Variants in ITPR2 observed in about 807,000 individuals in gnomAD.
ITPR2 encodes inositol 1,4,5-trisphosphate-gated calcium channel ITPR2.
In ITPR2, 207 loss-of-function variants were observed where a neutral mutation model predicts 317.1. The ratio of observed to expected loss-of-function variants is 0.65; its 90% CI spans 0.58 to 0.73. The LOEUF (loss-of-function observed/expected upper bound fraction) is 0.73, where lower values mean the gene tolerates loss of function less well. Among genes scored for constraint, ITPR2 ranks in the 30% least tolerant of loss-of-function variants. The pLI is 0.00. For missense variants in ITPR2, 2,613 were observed against 3,284.0 expected (o/e 0.80, Z 4.99); for synonymous variants, 1,156 against 1,149.1 (o/e 1.01, Z -0.12).
chr12:26,722,633 T>C, intron 4 of ITPR2, 78 bp from the exon 5 acceptor site: 1 of 984,810 alleles, frequency 1.0e-6, no homozygotes. Context: ...TTTATACATG[T>C]ATCATATATT....
chr12:26,369,874 G>A (rs1042811493), intron 55 of ITPR2, among the ~76,000 whole-genome samples: 13 of 152,156 alleles, frequency 8.5e-5, no homozygotes, highest in Non-Finnish European at 1.3e-4. Flanking sequence ...TTATACGGCA[G>A]ATGATTAGGT....
At chr12:26,561,330 G>T (rs1944812470) in intron 35 of ITPR2, among the ~76,000 whole-genome samples, 1 of 152,136 alleles carries the variant, frequency 6.6e-6, no homozygotes. Context: ...CAGCAGCCCT[G>T]GCAAACTAAT....
chr12:26,426,741 GA>G (rs982457099), intron 49 of ITPR2, among the ~76,000 whole-genome samples: 45 of 151,954 alleles, frequency 3.0e-4, no homozygotes, highest in African/African-American at 1.1e-3. Flanking sequence ...CAGAAACACA[GA>G]AATACAGAAT....
At chr12:26,524,039 C>A (rs1943740588) in intron 37 of ITPR2, among the ~76,000 whole-genome samples, 2 of 152,204 alleles carry the variant, frequency 1.3e-5, no homozygotes, top group African/African-American at 4.8e-5. Flanking sequence ...AAACAGGGAC[C>A]ATTTCCCTAC....
At chr12:26,693,994 A>G (rs1188614577) in intron 10 of ITPR2, among the ~76,000 whole-genome samples, 1 of 151,992 alleles carries the variant, frequency 6.6e-6, no homozygotes, top group Non-Finnish European at 1.5e-5. Flanking sequence ...CCAAGGCCAC[A>G]CAAGTTAATG....
Position 26,507,115 on chromosome 12 carries a change from A to G in ITPR2, c.5074-11855T>C, listed in dbSNP as rs893688341. Among the ~76,000 whole-genome samples the G allele has an allele frequency of 3.9e-5, 6 of 152,224 alleles. No homozygotes were observed. The South Asian group carries it at 1.0e-3, about 26-fold the overall frequency. On this transcript the variant is annotated intron_variant, in intron 37 of 56. Transcript: ENST00000381340. ...TTGGCCTACTTTAATATGAGCAATT[A>G]TCTGCTCCCATGAGCTCCTAATTGT...
At chr12:26,528,647 T>A (rs1465165891) in intron 37 of ITPR2, among the ~76,000 whole-genome samples, 1 of 152,250 alleles carries the variant, frequency 6.6e-6, no homozygotes, top group African/African-American at 2.4e-5. Flanking sequence ...ACATTTTCCC[T>A]TTTGATATTG....
At chr12:26,414,052 C>T (rs200341256) in intron 51 of ITPR2, among the ~76,000 whole-genome samples, 6,706 of 109,814 alleles carry the variant, frequency 0.061, 252 homozygotes, top group African/African-American at 0.12. Flanking sequence ...TATATATGTA[C>T]ACACACACAC....
At chr12:26,558,016 T>C (rs1209479778) in intron 35 of ITPR2, among the ~76,000 whole-genome samples, 1 of 152,234 alleles carries the variant, frequency 6.6e-6, no homozygotes, top group Non-Finnish European at 1.5e-5. Context: ...TAAATTATGT[T>C]AATTCATGTT....
At position 26,652,557 on chromosome 12, in the gene ITPR2, C is replaced by G. The variant is rs370343549; in HGVS notation, c.2740+1419G>C. 7.0e-3 allele frequency among the ~76,000 whole-genome samples: 1,062 copies of G among 152,232 alleles called. 5 individuals carry two copies. Among genetic ancestry groups the G allele is most frequent in the Admixed American group, 0.013 (198 of 15,300 alleles). Reference sequence around the variant, plus strand: ...CTTTTCAGGGCTGAGGCTCTTATTGCCCCAGCTGCTGGGCATTCTTGTTGC... The same window carrying G: ...CTTTTCAGGGCTGAGGCTCTTATTGGCCCAGCTGCTGGGCATTCTTGTTGC... On this transcript the variant is annotated intron_variant, in intron 21 of 56. Coordinates refer to ENST00000381340, the MANE Select transcript of ITPR2 (RefSeq NM_002223.4).
In ITPR2 at chr12:26,654,135, A is replaced by G; in HGVS notation, c.2590-9T>C. ...CGAGCCAAGTGGACCACCTTAATAAAAAAAAAAAAGCGGGGAGGGGGAGGG... is the reference window on the plus strand; with the variant it reads ...CGAGCCAAGTGGACCACCTTAATAAGAAAAAAAAAGCGGGGAGGGGGAGGG... On this transcript the variant is annotated splice_polypyrimidine_tract_variant and intron_variant, in intron 20 of 56. Coordinates refer to ENST00000381340, the MANE Select transcript of ITPR2 (RefSeq NM_002223.4). The G allele has an allele frequency of 1.3e-6, 2 of 1,539,736 alleles. No homozygotes were observed. Among genetic ancestry groups the G allele is most frequent in the South Asian group, 2.5e-5 (2 of 80,914 alleles).
At chr12:26,816,966 T>C (rs1950866439) in intron 1 of ITPR2, among the ~76,000 whole-genome samples, 1 of 151,322 alleles carries the variant, frequency 6.6e-6, no homozygotes, top group African/African-American at 2.4e-5. Flanking sequence ...GATCACGAGG[T>C]CAGGAGATCA....
At chr12:26,608,986 A>G (rs1946202056) in intron 26 of ITPR2, among the ~76,000 whole-genome samples, 1 of 152,148 alleles carries the variant, frequency 6.6e-6, no homozygotes, top group Non-Finnish European at 1.5e-5. Flanking sequence ...CAGCAACATA[A>G]TAGAACCCTT....
At chr12:26,775,690 T>A (rs750169599) in intron 2 of ITPR2, among the ~76,000 whole-genome samples, 6 of 152,004 alleles carry the variant, frequency 3.9e-5, no homozygotes, top group African/African-American at 1.4e-4. Context: ...GCAGGCACCA[T>A]CTACTCAGCT....
intron 6 of ITPR2, 69 bp from the exon 7 acceptor site, chr12:26,715,904 A>G (rs1948731969): frequency 8.9e-7 from 1 of 1,122,844 alleles, no homozygotes; most frequent in Non-Finnish European, 1.3e-6. Context: ...TTATTAGTTC[A>G]ACTAGTAAAA....
chr12:26,583,241 C>G (rs1161920057), intron 32 of ITPR2, among the ~76,000 whole-genome samples: 3 of 152,106 alleles, frequency 2.0e-5, no homozygotes, highest in Non-Finnish European at 2.9e-5. Context: ...TTGCTGTTAA[C>G]AAGGTTGGCC....
chr12:26,752,439 C>G (rs575962644), intron 2 of ITPR2, among the ~76,000 whole-genome samples: 2 of 152,332 alleles, frequency 1.3e-5, no homozygotes, highest in East Asian at 3.9e-4. Flanking sequence ...CTAAAACCCA[C>G]CAAAACCAAG....
At chr12:26,588,820 G>A (rs909478027) in intron 32 of ITPR2, among the ~76,000 whole-genome samples, 1 of 152,206 alleles carries the variant, frequency 6.6e-6, no homozygotes, top group African/African-American at 2.4e-5. Context: ...AGTTAGGTGA[G>A]CCTCCTAAAT....
chr12:26,798,454 T>C (rs1950494518), intron 1 of ITPR2, among the ~76,000 whole-genome samples: 1 of 152,242 alleles, frequency 6.6e-6, no homozygotes, highest in Non-Finnish European at 1.5e-5. Context: ...GTGTTTAGCA[T>C]CTATTTTTTT....
Sources: gnomAD v4.1 joint callset for allele counts (sites outside exome capture counted in the v4.1 genomes callset) on GRCh38, gnomAD v4.1.1 for gene constraint, MANE v1.5 for transcripts, NCBI Gene and HGNC (gene_info 2026-07-23, HGNC 2026-07-21) for gene names.